DCAF17: variants seen among roughly 807,000 people sequenced by gnomAD.
The protein encoded by DCAF17 is DDB1 and CUL4 associated factor 17.
DCAF17 carries 48 observed loss-of-function variants against 66.0 expected under a neutral mutation model. The observed-to-expected ratio is 0.73, with a 90% CI of 0.58 to 0.92. DCAF17 has a LOEUF of 0.92. Among genes scored for constraint, DCAF17 ranks in the 40% least tolerant of loss-of-function variants. DCAF17 has a pLI of 0.00. For missense variants in DCAF17, 562 were observed against 622.8 expected (o/e 0.90, Z 1.04); for synonymous variants, 206 against 214.6 (o/e 0.96, Z 0.35).
chr2:171,447,503 G>A (rs1030700624), intron 3 of DCAF17: 4 of 187,428 alleles, frequency 2.1e-5, no homozygotes, highest in African/African-American at 7.2e-5. Context: ...TGGGATTATA[G>A]GCAAGCACCG....
intron 8 of DCAF17, among the ~76,000 whole-genome samples, chr2:171,468,376 T>G (rs1216571132): frequency 6.6e-6 from 1 of 152,170 alleles, no homozygotes; most frequent in Non-Finnish European, 1.5e-5. Flanking sequence ...CTAATACTCC[T>G]CTGTACTGGA....
rs1455692209 is a variant in DCAF17 at position 171,482,278 on chromosome 2, A to G, written c.*1164A>G. 2 of 453,868 alleles carry G rather than the reference A, an allele frequency of 4.4e-6. No individual in the cohort carries two copies. The highest frequency in any genetic ancestry group is 8.8e-6 in the Non-Finnish European group (2 of 226,732). The allele number at this position is 453,868 out of a possible 1,614,324, so 28.1% of individuals were successfully genotyped here. A position where few individuals can be genotyped will look rare whatever the true frequency, so the allele number is the denominator to read the frequency against. Reference sequence around the variant, plus strand: ...GAATAACTGGTAATAAGGGAAGGAAACAGCAGCAACAATCATTGCTGATTC... The same window carrying G: ...GAATAACTGGTAATAAGGGAAGGAAGCAGCAGCAACAATCATTGCTGATTC... On this transcript the variant is annotated 3_prime_UTR_variant, in exon 14 of 14. Transcript: ENST00000375255.
chr2:171,474,007 G>A (rs1266146040), intron 10 of DCAF17, 32 bp downstream of exon 10: 2 of 1,570,282 alleles, frequency 1.3e-6, no homozygotes, highest in South Asian at 2.2e-5. Context: ...TGAAAGTTAA[G>A]AGCAGCTTTT....
chr2:171,472,822 A>G, intron 9 of DCAF17: 1 of 241,644 alleles, frequency 4.1e-6, no homozygotes, highest in Non-Finnish European at 9.0e-6. Context: ...GTGTTTCAAA[A>G]CTCATGAATA....
intron 6 of DCAF17, among the ~76,000 whole-genome samples, chr2:171,455,153 C>T (rs1352676750): frequency 6.6e-6 from 1 of 151,864 alleles, no homozygotes; most frequent in South Asian, 2.1e-4. Context: ...CTCCACCCTC[C>T]GATAGGCCCG....
Position 171,481,004 on chromosome 2 carries a change from G to A in DCAF17, c.1453G>A (p.Asp485Asn). The change falls in exon 14 of 14, where the codon GAC becomes AAC. Residue 485 changes from aspartate to asparagine, a missense_variant. Physicochemically the swap from Asp to Asn is conservative, Grantham distance 23. Coordinates refer to ENST00000375255, the MANE Select transcript of DCAF17 (RefSeq NM_025000.4). Reference sequence around the variant, plus strand: ...TAGCCATGAAGTCTACTTTGACAGAGACTTGGTGCTACACATAGAGCAGAA... The same window carrying A: ...TAGCCATGAAGTCTACTTTGACAGAAACTTGGTGCTACACATAGAGCAGAA... ...TYSHEVYFDRDLVLHIEQKPN... is the reference protein window; with the variant it reads ...TYSHEVYFDRNLVLHIEQKPN... The A allele has an allele frequency of 6.2e-7, 1 of 1,613,722 alleles. No homozygotes were observed. The highest frequency in any genetic ancestry group is 8.5e-7 in the Non-Finnish European group (1 of 1,179,706).
intron 3 of DCAF17, among the ~76,000 whole-genome samples, chr2:171,444,798 G>A (rs6713612): frequency 0.22 from 32,915 of 152,008 alleles, 3,693 homozygotes; most frequent in South Asian, 0.29. Flanking sequence ...ATAAGAGGCT[G>A]TACGCTAAAT....
intron 5 of DCAF17, among the ~76,000 whole-genome samples, chr2:171,451,707 C>T (rs1323108724): frequency 6.6e-6 from 1 of 152,152 alleles, no homozygotes; most frequent in African/African-American, 2.4e-5. Flanking sequence ...TCCTGAGTAG[C>T]TGGGACTACA....
Position 171,483,203 on chromosome 2 carries a change from C to T in DCAF17, c.*2089C>T, listed in dbSNP as rs756605585. On this transcript the variant is annotated 3_prime_UTR_variant, in exon 14 of 14. Transcript: ENST00000375255. ...CCAGAGTGTCACACAGCTGCTCATTCTGCCACCTGCCAGACATTAATGTCT... is the reference window on the plus strand; with the variant it reads ...CCAGAGTGTCACACAGCTGCTCATTTTGCCACCTGCCAGACATTAATGTCT... 2.2e-6 allele frequency: 1 copy of T among 454,144 alleles called. No individual in the cohort carries two copies. Among genetic ancestry groups the T allele is most frequent in the South Asian group, 1.6e-5 (1 of 64,484 alleles). The allele number at this position is 454,144 out of a possible 1,614,324, so 28.1% of individuals were successfully genotyped here.
chr2:171,440,467 A>G (rs1407895834), intron 2 of DCAF17, among the ~76,000 whole-genome samples: 3 of 152,072 alleles, frequency 2.0e-5, no homozygotes, highest in African/African-American at 7.2e-5. Flanking sequence ...CCCAGCTACC[A>G]GGGAGGATGA....
At chr2:171,436,045 A>G (rs1693916029) in intron 2 of DCAF17, among the ~76,000 whole-genome samples, 3 of 152,028 alleles carry the variant, frequency 2.0e-5, no homozygotes, top group Non-Finnish European at 1.5e-5. Flanking sequence ...CTGTAGATTC[A>G]CCTATTCTGT....
intron 8 of DCAF17, among the ~76,000 whole-genome samples, chr2:171,462,054 C>T (rs943607697): frequency 6.6e-6 from 1 of 152,010 alleles, no homozygotes; most frequent in Non-Finnish European, 1.5e-5. Flanking sequence ...TAATAGGTGG[C>T]CTTGTGAAAA....
At chr2:171,448,841 C>A in intron 4 of DCAF17, 24 bp downstream of exon 4, 2 of 1,599,386 alleles carry the variant, frequency 1.3e-6, no homozygotes, top group South Asian at 1.1e-5. Context: ...ATTTATTATT[C>A]AAGATTTTAT....
In DCAF17 at chr2:171,483,643, A is replaced by G; in HGVS notation, c.*2529A>G. ...CCACCAATTGAAAGTTTTGTATCTT[A>G]CAGTTCTTTTTTTAAATAATATATT... On this transcript the variant is annotated 3_prime_UTR_variant, in exon 14 of 14. Coordinates refer to ENST00000375255, the MANE Select transcript of DCAF17 (RefSeq NM_025000.4). 2.2e-6 allele frequency: 1 copy of G among 453,946 alleles called. No homozygotes were observed. The highest frequency in any genetic ancestry group is 4.4e-6 in the Non-Finnish European group (1 of 226,758). 28.1% of individuals were successfully genotyped at this position (453,946 alleles called of 1,614,324 possible).
At chr2:171,463,297 T>C (rs1399378777) in intron 8 of DCAF17, among the ~76,000 whole-genome samples, 1 of 150,610 alleles carries the variant, frequency 6.6e-6, no homozygotes, top group African/African-American at 2.4e-5. Flanking sequence ...TGTGTACTAT[T>C]AAGTAAAAAA....
chr2:171,453,620 A>G (rs999179760), intron 6 of DCAF17, among the ~76,000 whole-genome samples: 1 of 152,208 alleles, frequency 6.6e-6, no homozygotes, highest in African/African-American at 2.4e-5. Context: ...AACAAGCCTT[A>G]TATTTAAATA....
intron 5 of DCAF17, 67 bp downstream of exon 5, chr2:171,450,024 T>A (rs1014471863): frequency 6.8e-6 from 9 of 1,332,576 alleles, no homozygotes; most frequent in Non-Finnish European, 8.6e-6. Context: ...GCAGATTTGT[T>A]ATGAAAAATC....
chr2:171,447,149 G>T (rs1019044405), intron 3 of DCAF17, among the ~76,000 whole-genome samples: 1 of 150,864 alleles, frequency 6.6e-6, no homozygotes, highest in Admixed American at 6.6e-5. Flanking sequence ...TATTGTTTTA[G>T]TATTTAGTGG....
At position 171,478,086 on chromosome 2, in the gene DCAF17, G is replaced by A. The variant is rs1034547235; in HGVS notation, c.1266+16G>A. On this transcript the variant is annotated intron_variant, in intron 12 of 13. Transcript: ENST00000375255. ...AGAACAAGAGGTATTGCTTTGGCCAGAGATGACAAACCAAACCAGTGTGTC... is the reference window on the plus strand; with the variant it reads ...AGAACAAGAGGTATTGCTTTGGCCAAAGATGACAAACCAAACCAGTGTGTC... The A allele has an allele frequency of 6.2e-7, 1 of 1,605,870 alleles. No individual in the cohort carries two copies. Among genetic ancestry groups the A allele is most frequent in the African/African-American group, 1.3e-5 (1 of 74,826 alleles).
Sources: allele counts gnomAD v4.1 joint callset (sites outside exome capture counted in the v4.1 genomes callset), GRCh38; gene constraint gnomAD v4.1.1; transcripts MANE v1.5; gene names NCBI Gene and HGNC (gene_info 2026-07-23, HGNC 2026-07-21).